ARHGAP12: variants seen among roughly 807,000 people sequenced by gnomAD.
The protein encoded by ARHGAP12 is Rho GTPase activating protein 12, also known as rho GTPase-activating protein 12.
In ARHGAP12, 64 loss-of-function variants were observed where a neutral mutation model predicts 108.6. That is an observed-to-expected ratio of 0.59 (90% CI 0.48 to 0.73). The LOEUF is 0.73. Among genes scored for constraint, ARHGAP12 ranks in the 30% least tolerant of loss-of-function variants. ARHGAP12 has a pLI of 0.00. For synonymous variants in ARHGAP12, 312 were observed against 337.2 expected (o/e 0.93, Z 0.82); for missense variants, 940 against 1,005.9 (o/e 0.93, Z 0.89).
chr10:31,861,841 A>G (rs1837129520), intron 3 of ARHGAP12, among the ~76,000 whole-genome samples, 183 bp from the exon 4 acceptor site: 1 of 152,224 alleles, frequency 6.6e-6, no homozygotes, highest in Admixed American at 6.5e-5. Flanking sequence ...AAAAATAAAT[A>G]AAAGCTTCAA....
At chr10:31,827,376 A>G (rs1835655004) in intron 10 of ARHGAP12, among the ~76,000 whole-genome samples, 1 of 152,218 alleles carries the variant, frequency 6.6e-6, no homozygotes, top group Non-Finnish European at 1.5e-5. Flanking sequence ...TACAAGTAGG[A>G]AAATAAATTA....
At chr10:31,823,315 C>A (rs1371858654) in intron 11 of ARHGAP12, among the ~76,000 whole-genome samples, 4 of 152,030 alleles carry the variant, frequency 2.6e-5, no homozygotes, top group Non-Finnish European at 5.9e-5. Flanking sequence ...CAGTGGATAA[C>A]CGTTTTCCAG....
At chr10:31,828,832 T>C (rs867928495) in intron 10 of ARHGAP12, among the ~76,000 whole-genome samples, 1 of 152,152 alleles carries the variant, frequency 6.6e-6, no homozygotes, top group Admixed American at 6.5e-5. Context: ...CAAATAATAT[T>C]ATTTATAGAC....
intron 11 of ARHGAP12, among the ~76,000 whole-genome samples, chr10:31,823,721 G>A (rs1311078538): frequency 6.6e-6 from 1 of 152,086 alleles, no homozygotes; most frequent in Non-Finnish European, 1.5e-5. Context: ...AAACTCAACT[G>A]AAGGAAAAGC....
chr10:31,807,869 A>C, intron 19 of ARHGAP12, 37 bp from the exon 20 acceptor site: 1 of 1,426,728 alleles, frequency 7.0e-7, no homozygotes, highest in Non-Finnish European at 9.3e-7. Flanking sequence ...AAGAGAAAAT[A>C]AGAGAGAGGG....
intron 3 of ARHGAP12, among the ~76,000 whole-genome samples, chr10:31,892,612 A>G (rs181651848): frequency 6.6e-6 from 1 of 152,342 alleles, no homozygotes; most frequent in African/African-American, 2.4e-5. Context: ...GCAAGTCCTT[A>G]GAGACCTACA....
chr10:31,924,054 G>A (rs982316714), intron 1 of ARHGAP12, among the ~76,000 whole-genome samples: 8 of 152,162 alleles, frequency 5.3e-5, no homozygotes, highest in Non-Finnish European at 4.4e-5. Flanking sequence ...AACACAGAAT[G>A]TTTTGTATGG....
intron 10 of ARHGAP12, among the ~76,000 whole-genome samples, chr10:31,828,838 T>C (rs1342958412): frequency 6.6e-6 from 1 of 152,106 alleles, no homozygotes; most frequent in Non-Finnish European, 1.5e-5. Flanking sequence ...ATATTATTTA[T>C]AGACAACAAA....
In ARHGAP12 at chr10:31,928,724, T is replaced by A. The variant is rs1401315567; in HGVS notation, c.-152A>T. On this transcript the variant is annotated 5_prime_UTR_variant, in exon 1 of 20. Coordinates refer to ENST00000344936, the MANE Select transcript of ARHGAP12 (RefSeq NM_018287.7). Reference sequence around the variant, plus strand: ...TCGCAGCAGGCGGCTCCCTTCTTAGTCCGCCCCGCGGCTGCGGGTCGACGA... The same window carrying A: ...TCGCAGCAGGCGGCTCCCTTCTTAGACCGCCCCGCGGCTGCGGGTCGACGA... 6.6e-6 allele frequency: 1 copy of A among 151,470 alleles called. No homozygotes were observed. Among genetic ancestry groups the A allele is most frequent in the African/African-American group, 2.4e-5 (1 of 41,144 alleles). The allele number at this position is 151,470 out of a possible 1,614,324, so 9.4% of individuals were successfully genotyped here.
At chr10:31,903,734 T>TA (rs1026660481) in intron 3 of ARHGAP12, among the ~76,000 whole-genome samples, 2,397 of 140,966 alleles carry the variant, frequency 0.017, 62 homozygotes, top group African/African-American at 0.057. Context: ...CTAAACTATG[T>TA]AAAAAAAAAA....
chr10:31,903,159 G>A (rs1425897699), intron 3 of ARHGAP12, among the ~76,000 whole-genome samples: 2 of 152,110 alleles, frequency 1.3e-5, no homozygotes, highest in African/African-American at 4.8e-5. Context: ...TTCACAGAGC[G>A]TTCTTACACA....
At chr10:31,874,973 C>T (rs145650336) in intron 3 of ARHGAP12, among the ~76,000 whole-genome samples, 1,529 of 58,460 alleles carry the variant, frequency 0.026, 180 homozygotes, top group African/African-American at 0.092. Flanking sequence ...GACTCTGTCT[C>T]AAAAAAAAAA....
At chr10:31,928,079 C>T (rs1239378034) in intron 1 of ARHGAP12, among the ~76,000 whole-genome samples, 2 of 152,122 alleles carry the variant, frequency 1.3e-5, no homozygotes, top group African/African-American at 4.8e-5. Flanking sequence ...AGGTGGATTC[C>T]CCGGGTGGGC....
chr10:31,826,282 T>C, intron 11 of ARHGAP12, 22 bp downstream of exon 11: 2 of 1,574,016 alleles, frequency 1.3e-6, no homozygotes, highest in Non-Finnish European at 8.7e-7. Context: ...GTATAAAATC[T>C]CCAAAGAGAA....
intron 11 of ARHGAP12, among the ~76,000 whole-genome samples, chr10:31,824,171 C>G (rs544116843): frequency 6.6e-5 from 10 of 152,242 alleles, no homozygotes; most frequent in Non-Finnish European, 8.8e-5. Context: ...GAAAACAAAA[C>G]AGTCTGAGGT....
At chr10:31,859,871 T>G (rs909014750) in intron 4 of ARHGAP12, among the ~76,000 whole-genome samples, 4 of 151,780 alleles carry the variant, frequency 2.6e-5, no homozygotes, top group African/African-American at 9.7e-5. Flanking sequence ...CTCGGCTCAC[T>G]GCAGTCTCCA....
At chr10:31,849,965 A>C (rs1240808572) in intron 6 of ARHGAP12, among the ~76,000 whole-genome samples, 1 of 152,206 alleles carries the variant, frequency 6.6e-6, no homozygotes, top group African/African-American at 2.4e-5. Context: ...ACCCAGTAGG[A>C]GTATTTAGCT....
chr10:31,910,285 C>T (rs1039636434), intron 2 of ARHGAP12, among the ~76,000 whole-genome samples: 5 of 152,134 alleles, frequency 3.3e-5, no homozygotes, highest in Admixed American at 6.5e-5. Context: ...CCCAAGGTTC[C>T]ATAACAACCT....
chr10:31,850,735 T>C (rs1178176209), intron 6 of ARHGAP12, among the ~76,000 whole-genome samples: 1 of 152,208 alleles, frequency 6.6e-6, no homozygotes, highest in East Asian at 1.9e-4. Flanking sequence ...ATTTAACTTT[T>C]ATAAAACTTA....
Sources: gnomAD v4.1 joint callset for allele counts (sites outside exome capture counted in the v4.1 genomes callset) on GRCh38, gnomAD v4.1.1 for gene constraint, MANE v1.5 for transcripts, NCBI Gene and HGNC (gene_info 2026-07-23, HGNC 2026-07-21) for gene names.